TSHZ2: variants seen among roughly 807,000 people sequenced by gnomAD.
TSHZ2 encodes teashirt homolog 2.
In TSHZ2, 21 loss-of-function variants were observed where a neutral mutation model predicts 74.4. The observed-to-expected ratio is 0.28, with a 90% confidence interval of 0.20 to 0.41. The LOEUF (loss-of-function observed/expected upper bound fraction) is 0.41. TSHZ2 is among the 10% of genes least tolerant of loss of function. TSHZ2 has a pLI of 1.00. For missense variants in TSHZ2, 1,244 were observed against 1,293.5 expected, an observed-to-expected ratio of 0.96 and a Z score of 0.59; for synonymous variants, 540 against 515.3, an observed-to-expected ratio of 1.05 and a Z score of -0.65.
intron 2 of TSHZ2, among the ~76,000 whole-genome samples, chr20:53,265,083 G>A (rs552270837): frequency 6.7e-4 from 102 of 152,258 alleles, no homozygotes; most frequent in African/African-American, 2.2e-3. Context: ...AGCTTGGGGA[G>A]CAAGGGGAGA....
At chr20:53,289,735 A>G (rs763344048) in intron 2 of TSHZ2, among the ~76,000 whole-genome samples, 28 of 152,336 alleles carry the variant, frequency 1.8e-4, no homozygotes, top group Admixed American at 9.2e-4. Context: ...AAAGGAAGAC[A>G]TGCAAATATC....
At chr20:53,444,144 G>A (rs1009247496) in intron 2 of TSHZ2, among the ~76,000 whole-genome samples, 23 of 152,140 alleles carry the variant, frequency 1.5e-4, no homozygotes, top group African/African-American at 5.6e-4. Flanking sequence ...CCCAAGAAAT[G>A]GACAGGTCAT....
At chr20:53,204,252 T>TATAAC (rs1989095059) in intron 1 of TSHZ2, among the ~76,000 whole-genome samples, 1 of 112,712 alleles carries the variant, frequency 8.9e-6, no homozygotes, top group East Asian at 3.0e-4. Context: ...TATATCATCA[T>TATAAC]ATGATGATAT....
At chr20:53,457,709 T>A (rs1985158472) in intron 2 of TSHZ2, among the ~76,000 whole-genome samples, 1 of 149,178 alleles carries the variant, frequency 6.7e-6, no homozygotes, top group Non-Finnish European at 1.5e-5. Context: ...CATAGATAGC[T>A]CTTATTATTT....
intron 1 of TSHZ2, among the ~76,000 whole-genome samples, chr20:53,246,134 T>A (rs1206403789): frequency 1.3e-5 from 2 of 151,558 alleles, no homozygotes; most frequent in East Asian, 2.0e-4. Context: ...CCGCCTCCCA[T>A]GTTCAAGTGA....
chr20:53,106,978 G>A (rs368313065), intron 1 of TSHZ2, among the ~76,000 whole-genome samples: 11 of 152,216 alleles, frequency 7.2e-5, no homozygotes, highest in South Asian at 6.2e-4. Flanking sequence ...GATTACAGGC[G>A]TGAGCCACCG....
At chr20:53,321,212 T>C (rs1165497448) in intron 2 of TSHZ2, among the ~76,000 whole-genome samples, 5 of 152,196 alleles carry the variant, frequency 3.3e-5, no homozygotes, top group Non-Finnish European at 7.3e-5. Context: ...GTAATTCATC[T>C]TTCTTCTTTT....
At chr20:53,479,123 C>T (rs1406928545) in intron 2 of TSHZ2, among the ~76,000 whole-genome samples, 1 of 151,292 alleles carries the variant, frequency 6.6e-6, no homozygotes, top group Non-Finnish European at 1.5e-5. Context: ...CAAGATCGCG[C>T]CACTGCACTC....
chr20:53,231,208 T>G (rs956583814), intron 1 of TSHZ2, among the ~76,000 whole-genome samples: 1 of 152,160 alleles, frequency 6.6e-6, no homozygotes, highest in Non-Finnish European at 1.5e-5. Flanking sequence ...GAATAAACAG[T>G]TGAGAGGATA....
intron 2 of TSHZ2, among the ~76,000 whole-genome samples, chr20:53,279,652 G>T (rs1991015837): frequency 6.6e-6 from 1 of 152,106 alleles, no homozygotes; most frequent in African/African-American, 2.4e-5. Context: ...TAGGCTCCAA[G>T]GATACAGCAA....
At chr20:53,329,810 A>AAG (rs1979647877) in intron 2 of TSHZ2, among the ~76,000 whole-genome samples, 1 of 152,132 alleles carries the variant, frequency 6.6e-6, no homozygotes, top group Non-Finnish European at 1.5e-5. Flanking sequence ...ACTGGAGGAA[A>AAG]AGAAAGAGAA....
chr20:53,486,664 G>A (rs371194948), intron 2 of TSHZ2, among the ~76,000 whole-genome samples: 4 of 152,200 alleles, frequency 2.6e-5, no homozygotes, highest in African/African-American at 7.2e-5. Flanking sequence ...GCGACAAAGC[G>A]AGACTCTGTC....
chr20:53,296,073 A>G (rs1416887456), intron 2 of TSHZ2, among the ~76,000 whole-genome samples: 6 of 149,052 alleles, frequency 4.0e-5, no homozygotes, highest in Non-Finnish European at 7.4e-5. Flanking sequence ...AGTTTGATGC[A>G]TATTATTCTT....
chr20:53,369,956 A>T (rs887030988), intron 2 of TSHZ2, among the ~76,000 whole-genome samples: 1 of 152,158 alleles, frequency 6.6e-6, no homozygotes, highest in African/African-American at 2.4e-5. Context: ...TTTGTGTTGG[A>T]AAGTTATTGT....
At chr20:53,233,447 C>T (rs114798493) in intron 1 of TSHZ2, among the ~76,000 whole-genome samples, 218 of 152,200 alleles carry the variant, frequency 1.4e-3, no homozygotes, top group African/African-American at 5.0e-3. Flanking sequence ...GAGACCTTTA[C>T]GCTAAAACTG....
At chr20:53,203,922 A>G (rs1331908963) in intron 1 of TSHZ2, among the ~76,000 whole-genome samples, 3 of 151,948 alleles carry the variant, frequency 2.0e-5, no homozygotes, top group Non-Finnish European at 4.4e-5. Context: ...TTCAAATGTG[A>G]CTGGTCCAAA....
intron 2 of TSHZ2, among the ~76,000 whole-genome samples, chr20:53,428,139 T>C (rs975837145): frequency 6.6e-6 from 1 of 152,160 alleles, no homozygotes; most frequent in African/African-American, 2.4e-5. Flanking sequence ...GGGGGCATGA[T>C]GTGGAGGAGA....
chr20:53,188,563 G>A (rs1988657597), intron 1 of TSHZ2, among the ~76,000 whole-genome samples: 1 of 152,182 alleles, frequency 6.6e-6, no homozygotes, highest in African/African-American at 2.4e-5. Flanking sequence ...GAGAGGGTCT[G>A]TAGAATACAC....
At chr20:53,230,527 A>C (rs2123668956) in intron 1 of TSHZ2, among the ~76,000 whole-genome samples, 1 of 152,306 alleles carries the variant, frequency 6.6e-6, no homozygotes, top group East Asian at 1.9e-4. Context: ...CAGAGAAGCC[A>C]AGAGAATGGA....
Sources: allele counts gnomAD v4.1 joint callset (sites outside exome capture counted in the v4.1 genomes callset), GRCh38; gene constraint gnomAD v4.1.1; transcripts MANE v1.5; gene names NCBI Gene and HGNC (gene_info 2026-07-23, HGNC 2026-07-21).